Variants in HERC2 observed in about 807,000 individuals in gnomAD.
HERC2 encodes the protein E3 ubiquitin-protein ligase HERC2.
HERC2 carries 102 observed loss-of-function variants against 537.7 expected under a neutral mutation model. That is an observed-to-expected ratio of 0.19 (90% CI 0.16 to 0.22). HERC2 has a LOEUF of 0.22. Ranked by LOEUF, HERC2 falls within the 10% of genes least tolerant of loss-of-function variation. The pLI is 1.00. For missense variants in HERC2, 4,236 were observed against 6,198.2 expected, an observed-to-expected ratio of 0.68 and a Z score of 10.63; for synonymous variants, 2,224 against 2,466.2, an observed-to-expected ratio of 0.90 and a Z score of 2.91.
Position 28,168,478 on chromosome 15 carries a change from C to T in HERC2, c.10342G>A (p.Gly3448Arg). 6.2e-7 allele frequency: 1 copy of T among 1,614,194 alleles called. No individual in the cohort carries two copies. The highest frequency in any genetic ancestry group is 8.5e-7 in the Non-Finnish European group (1 of 1,180,026). ...DASAMASPMN[G>R]EECMLAVDIE... ...TCAACAGCCAGCATGCATTCTTCTC[C>T]ATTCATGGGACTAGCCATCGCAGAT... The change falls in exon 67 of 93, where the codon GGA (glycine) becomes AGA (arginine). Residue 3448 changes from glycine to arginine, a missense_variant. This residue lies in a region of HERC2 where 356 missense variants were observed against 450.9 expected (regional missense o/e 0.79). Transcript: ENST00000261609.
chr15:28,281,386 C>T (rs775494372), intron 4 of HERC2, among the ~76,000 whole-genome samples: 4 of 152,192 alleles, frequency 2.6e-5, no homozygotes, highest in Non-Finnish European at 5.9e-5. Flanking sequence ...GAGGTGAGAG[C>T]TGGTCTCTTT....
chr15:28,176,848 C>T lies in HERC2; in HGVS notation c.9433-80G>A. The stretch of plus-strand genomic sequence containing the variant: ...GGATTTTCCCACAGATAAAGCCAAC[C>T]ATGCACACATCTTTATGAACTTTCC... On this transcript the variant is annotated intron_variant, in intron 61 of 92. Coordinates refer to ENST00000261609, the MANE Select transcript of HERC2 (RefSeq NM_004667.6). The surrounding 1 kb of genome is among the most constrained non-coding windows in gnomAD (Gnocchi z 5.0). 6.4e-7 allele frequency: 1 copy of T among 1,573,040 alleles called. No homozygotes were observed. The highest frequency in any genetic ancestry group is 8.7e-7 in the Non-Finnish European group (1 of 1,147,238).
chr15:28,224,477 C>T (rs1186895116), intron 35 of HERC2, among the ~76,000 whole-genome samples: 4 of 152,158 alleles, frequency 2.6e-5, no homozygotes, highest in South Asian at 2.1e-4. Context: ...CCGCCTCAGC[C>T]GCCCAAAGTG....
At chr15:28,275,300 G>A (rs543991996) in intron 5 of HERC2, among the ~76,000 whole-genome samples, 17 of 152,330 alleles carry the variant, frequency 1.1e-4, no homozygotes, top group African/African-American at 2.9e-4. Flanking sequence ...GGAAGCAGAC[G>A]ATAAGGAGAT....
chr15:28,246,629 A>G (rs1903733154), intron 22 of HERC2, 113 bp downstream of exon 22: 2 of 863,130 alleles, frequency 2.3e-6, no homozygotes, highest in Non-Finnish European at 3.4e-6. Context: ...AAAGGGCAGG[A>G]GGCCCAGAAA....
At chr15:28,124,003 G>C (rs200466569) in intron 85 of HERC2, 34 bp downstream of exon 85, 5 of 1,524,328 alleles carry the variant, frequency 3.3e-6, no homozygotes, top group Non-Finnish European at 4.4e-6. Flanking sequence ...GAAGACACCA[G>C]TTTCCCCTAG....
At chr15:28,130,051 G>A (rs529060283) in intron 83 of HERC2, 112 bp downstream of exon 83, 5 of 1,329,966 alleles carry the variant, frequency 3.8e-6, no homozygotes, top group South Asian at 2.7e-5. Flanking sequence ...GGGGCAACAG[G>A]AGTGAGCCAC....
At position 28,198,477 on chromosome 15, in the gene HERC2, G is replaced by A. The variant is rs553243132; in HGVS notation, c.7912C>T (p.His2638Tyr). 2 of 1,614,020 alleles carry A rather than the reference G, an allele frequency of 1.2e-6. No individual in the cohort carries two copies. Among genetic ancestry groups the A allele is most frequent in the African/African-American group, 1.3e-5 (1 of 75,030 alleles). Residue 2638 changes from histidine (H) to tyrosine (Y), a missense_variant, in exon 50 of 93, where the codon CAC becomes TAC. This residue lies in a region of HERC2 where 606 missense variants were observed against 884.5 expected (regional missense o/e 0.69). Coordinates refer to ENST00000261609, the MANE Select transcript of HERC2 (RefSeq NM_004667.6). ...IGYPPPSSSS[H>Y]IKIGDKVRVK... ...CGCACTTTATCACCAATCTTGATGT[G>A]AGAAGAAGAACTTGGTGGAGGATAG...
intron 56 of HERC2, among the ~76,000 whole-genome samples, chr15:28,185,912 C>T (rs566840010): frequency 2.6e-5 from 4 of 152,198 alleles, no homozygotes; most frequent in African/African-American, 9.6e-5. Flanking sequence ...CTGGGAATGG[C>T]CCACAGTAGG....
intron 45 of HERC2, among the ~76,000 whole-genome samples, chr15:28,205,149 GAAC>G (rs975700839): frequency 1.3e-5 from 2 of 152,158 alleles, no homozygotes; most frequent in African/African-American, 2.4e-5. Flanking sequence ...AAAAAGAAGA[GAAC>G]AACAACTCTC....
At chr15:28,299,982 G>A (rs1388269627) in intron 2 of HERC2, among the ~76,000 whole-genome samples, 4 of 151,426 alleles carry the variant, frequency 2.6e-5, no homozygotes, top group Non-Finnish European at 2.9e-5. Flanking sequence ...GAACCCAGGA[G>A]GCAGAGGTTG....
chr15:28,179,955 A>G (rs922558185), intron 57 of HERC2, among the ~76,000 whole-genome samples: 10 of 152,204 alleles, frequency 6.6e-5, no homozygotes, highest in African/African-American at 2.2e-4. Context: ...GTTACAAATA[A>G]TTTATTATTA....
chr15:28,124,206 T>C lies in HERC2; in HGVS notation c.13019A>G (p.Glu4340Gly), dbSNP rs1595989833. Residue 4340 changes from glutamate (E) to glycine (G), a missense_variant, in exon 85 of 93, where the codon GAG becomes GGG. Glu to Gly is a moderately conservative substitution (Grantham distance 98, BLOSUM62 -2). Coordinates refer to ENST00000261609, the MANE Select transcript of HERC2 (RefSeq NM_004667.6). ...GTTCCTCAGCGCAATGATGGGGATCTCCTGCAGGTGATTGTACTCCATGGG... is the reference window on the plus strand; with the variant it reads ...GTTCCTCAGCGCAATGATGGGGATCCCCTGCAGGTGATTGTACTCCATGGG... ...QVPMEYNHLQ[E>G]IPIIALRNRL... The C allele has an allele frequency of 2.0e-6, 3 of 1,530,534 alleles. No homozygotes were observed. The allele number at this position is 1,530,534 out of a possible 1,614,324, so 94.8% of individuals were successfully genotyped here.
At chr15:28,153,423 G>A (rs111659731) in intron 69 of HERC2, among the ~76,000 whole-genome samples, 11,561 of 152,116 alleles carry the variant, frequency 0.076, 1,517 homozygotes, top group African/African-American at 0.27. Context: ...GGAGGTCGAG[G>A]CAGGCAGATC....
chr15:28,252,076 T>G lies in HERC2; in HGVS notation c.3050+2264A>C, dbSNP rs2075101948. On this transcript the variant is annotated intron_variant, in intron 20 of 92. Coordinates refer to ENST00000261609, the MANE Select transcript of HERC2 (RefSeq NM_004667.6). ...ATGGCCAAGTGATTCTAAACATACTTAAGTGCTTCCTAATAACGGAATCAA... is the reference window on the plus strand; with the variant it reads ...ATGGCCAAGTGATTCTAAACATACTGAAGTGCTTCCTAATAACGGAATCAA... Among the ~76,000 whole-genome samples the G allele has an allele frequency of 7.9e-5, 12 of 152,172 alleles. No individual in the cohort carries two copies. The South Asian group carries it at 2.5e-3, about 32-fold the overall frequency.
chr15:28,208,671 A>G (rs1164990890), intron 44 of HERC2, among the ~76,000 whole-genome samples: 1 of 152,164 alleles, frequency 6.6e-6, no homozygotes, highest in Admixed American at 6.5e-5. Context: ...CAAGCAATGC[A>G]GAGCTGCTCA....
At chr15:28,182,847 A>C (rs1326298234) in intron 56 of HERC2, among the ~76,000 whole-genome samples, 1 of 152,224 alleles carries the variant, frequency 6.6e-6, no homozygotes, top group African/African-American at 2.4e-5. Context: ...CCATGGAAAC[A>C]GACGCACAGC....
At chr15:28,322,001 C>A (rs1217799821) in intron 1 of HERC2, 74 bp downstream of exon 1, 4 of 94,818 alleles carry the variant, frequency 4.2e-5, no homozygotes, top group African/African-American at 2.1e-4. Flanking sequence ...GCCCGCCTCC[C>A]GGGCTCGGCC....
At chr15:28,207,804 GTT>G (rs1898647662) in intron 44 of HERC2, among the ~76,000 whole-genome samples, 1 of 151,962 alleles carries the variant, frequency 6.6e-6, no homozygotes, top group Non-Finnish European at 1.5e-5. Context: ...AGAGTAAATA[GTT>G]TAGGCTGATG....
Sources: allele counts gnomAD v4.1 joint callset (sites outside exome capture counted in the v4.1 genomes callset), GRCh38; gene constraint gnomAD v4.1.1; regional missense constraint gnomAD v4.1.1; non-coding constraint Gnocchi (gnomAD v3.1); transcripts MANE v1.5; gene names NCBI Gene and HGNC (gene_info 2026-07-23, HGNC 2026-07-21).